ADGRL3: variants seen among roughly 807,000 people sequenced by gnomAD.
The protein encoded by ADGRL3 is calcium-independent alpha-latrotoxin receptor 3.
A neutral mutation model predicts 153.5 loss-of-function variants in ADGRL3; 62 were observed. That is an observed-to-expected ratio of 0.40 (90% CI 0.33 to 0.50). The LOEUF is 0.50. ADGRL3 is among the 20% of genes least tolerant of loss of function. The pLI is 0.47. For missense variants in ADGRL3, 1,641 were observed against 1,859.4 expected (o/e 0.88, Z 2.16); for synonymous variants, 710 against 672.5 (o/e 1.06, Z -0.86).
chr4:61,424,321 C>T (rs116124286), intron 2 of ADGRL3, among the ~76,000 whole-genome samples: 2,053 of 152,180 alleles, frequency 0.013, 38 homozygotes, highest in African/African-American at 0.047. Flanking sequence ...TCTTGACTGC[C>T]GCACAGCCAT....
chr4:61,435,877 G>A (rs575785559), intron 2 of ADGRL3, among the ~76,000 whole-genome samples: 1 of 150,720 alleles, frequency 6.6e-6, no homozygotes, highest in Non-Finnish European at 1.5e-5. Flanking sequence ...AATCTGCATT[G>A]TCTCAGTTTC....
At chr4:61,624,950 A>C (rs2092746005) in intron 5 of ADGRL3, among the ~76,000 whole-genome samples, 1 of 152,126 alleles carries the variant, frequency 6.6e-6, no homozygotes, top group Admixed American at 6.6e-5. Context: ...ATGCCTCATT[A>C]ATGTCCTCAT....
At chr4:61,841,321 T>C (rs1420620944) in intron 9 of ADGRL3, among the ~76,000 whole-genome samples, 1 of 152,052 alleles carries the variant, frequency 6.6e-6, no homozygotes, top group African/African-American at 2.4e-5. Flanking sequence ...TATTTGCATA[T>C]AAATTAGGTC....
At chr4:61,327,170 G>T (rs1332204371) in intron 1 of ADGRL3, among the ~76,000 whole-genome samples, 1 of 151,966 alleles carries the variant, frequency 6.6e-6, no homozygotes, top group African/African-American at 2.4e-5. Context: ...AAGGTGCAAA[G>T]TGAGAGCACC....
At chr4:61,990,711 AT>A (rs1560475108) in intron 19 of ADGRL3, among the ~76,000 whole-genome samples, 1 of 151,822 alleles carries the variant, frequency 6.6e-6, no homozygotes, top group Non-Finnish European at 1.5e-5. Flanking sequence ...TCACCTACTC[AT>A]TGAGAATTTA....
rs534676153 is a variant in ADGRL3, at chr4:61,921,102, T to C, written c.2112+8345T>C. Among the ~76,000 whole-genome samples, 9 of 152,184 alleles carry C rather than the reference T, an allele frequency of 5.9e-5. 1 individual carries two copies. The South Asian group carries it at 1.9e-3, about 32-fold the overall frequency. On this transcript the variant is annotated intron_variant, in intron 13 of 26. Coordinates refer to ENST00000683033, the MANE Select transcript of ADGRL3 (RefSeq NM_001387552.1). ...ATAGATAAAAATGTTCTTCTGCTTG[T>C]TCTGTTAGTCATAGTTTGAGATTAA...
chr4:61,998,103 T>C, intron 20 of ADGRL3, 71 bp from the exon 21 acceptor site: 1 of 682,178 alleles, frequency 1.5e-6, no homozygotes, highest in Non-Finnish European at 2.5e-6. Flanking sequence ...AACTCATGTG[T>C]TATAGAGAAT....
At chr4:61,840,811 G>A (rs548953386) in intron 9 of ADGRL3, among the ~76,000 whole-genome samples, 2 of 152,190 alleles carry the variant, frequency 1.3e-5, no homozygotes, top group Non-Finnish European at 2.9e-5. Context: ...GCTTCTGAAT[G>A]ATTTATCAAA....
intron 11 of ADGRL3, among the ~76,000 whole-genome samples, chr4:61,902,085 A>T (rs2098667714): frequency 6.6e-6 from 1 of 152,166 alleles, no homozygotes; most frequent in Admixed American, 6.6e-5. Context: ...GTCTACAATA[A>T]CTGGAGTGAG....
intron 6 of ADGRL3, among the ~76,000 whole-genome samples, chr4:61,718,722 G>A (rs995574021): frequency 1.3e-5 from 2 of 152,108 alleles, no homozygotes; most frequent in Non-Finnish European, 1.5e-5. Flanking sequence ...ATTGTTGGTA[G>A]TTCCTTCCTT....
At chr4:61,871,156 C>A (rs180974824) in intron 9 of ADGRL3, among the ~76,000 whole-genome samples, 1 of 151,888 alleles carries the variant, frequency 6.6e-6, no homozygotes, top group Non-Finnish European at 1.5e-5. Context: ...CGAGTGCCTG[C>A]AGTCCCAACT....
chr4:61,994,825 A>G (rs1050994532), intron 19 of ADGRL3, among the ~76,000 whole-genome samples: 6 of 151,316 alleles, frequency 4.0e-5, no homozygotes, highest in African/African-American at 1.2e-4. Context: ...CTGTGTGTGT[A>G]TGTTTAACAT....
intron 3 of ADGRL3, among the ~76,000 whole-genome samples, chr4:61,505,581 G>A (rs535364870): frequency 1.3e-5 from 2 of 152,094 alleles, no homozygotes; most frequent in Admixed American, 6.5e-5. Flanking sequence ...TCTATTTTTG[G>A]TCGAGTCTGA....
chr4:61,642,471 G>T (rs993752891), intron 5 of ADGRL3, among the ~76,000 whole-genome samples: 1 of 152,136 alleles, frequency 6.6e-6, no homozygotes, highest in Non-Finnish European at 1.5e-5. Flanking sequence ...TGTATAAGGT[G>T]TAAGGAAGGG....
intron 5 of ADGRL3, among the ~76,000 whole-genome samples, chr4:61,613,068 A>C (rs145988684): frequency 6.6e-6 from 1 of 152,144 alleles, no homozygotes; most frequent in Non-Finnish European, 1.5e-5. Flanking sequence ...AAAGGGGTAA[A>C]TTAGTTCTGA....
At chr4:62,043,692 T>G (rs1269073062) in intron 24 of ADGRL3, among the ~76,000 whole-genome samples, 4 of 152,044 alleles carry the variant, frequency 2.6e-5, no homozygotes, top group Non-Finnish European at 2.9e-5. Context: ...TAATACTTTT[T>G]TGACCCATAA....
chr4:61,709,455 T>C (rs1340692629), intron 6 of ADGRL3, among the ~76,000 whole-genome samples: 2 of 152,194 alleles, frequency 1.3e-5, no homozygotes, highest in African/African-American at 2.4e-5. Flanking sequence ...CATATAATAA[T>C]AAGAATATCT....
At chr4:61,393,339 A>G (rs2096835042) in intron 2 of ADGRL3, among the ~76,000 whole-genome samples, 1 of 152,214 alleles carries the variant, frequency 6.6e-6, no homozygotes, top group Admixed American at 6.5e-5. Context: ...GGTGCCTGAC[A>G]GAAATCCACT....
At chr4:61,594,908 C>T (rs946737901) in intron 5 of ADGRL3, among the ~76,000 whole-genome samples, 2 of 152,176 alleles carry the variant, frequency 1.3e-5, no homozygotes, top group African/African-American at 4.8e-5. Flanking sequence ...TCCCACTCTT[C>T]CTTCCTCTTA....
Sources: gnomAD v4.1 joint callset for allele counts (sites outside exome capture counted in the v4.1 genomes callset) on GRCh38, gnomAD v4.1.1 for gene constraint, MANE v1.5 for transcripts, NCBI Gene and HGNC (gene_info 2026-07-23, HGNC 2026-07-21) for gene names.